Variants in NRTN observed in about 807,000 individuals in gnomAD.
NRTN encodes the protein neurturin.
NRTN carries 3 observed loss-of-function variants against 7.5 expected under a neutral mutation model. The ratio of observed to expected loss-of-function variants is 0.40; its 90% CI spans 0.18 to 1.03. The LOEUF (loss-of-function observed/expected upper bound fraction) is 1.03, where lower values mean the gene tolerates loss of function less well. Among genes scored for constraint, NRTN ranks in the 50% least tolerant of loss-of-function variants. The probability of loss-of-function intolerance (pLI) is 0.34; values close to 1 mark genes in which losing one functional copy is unlikely to be tolerated. For missense variants in NRTN, 310 were observed against 307.0 expected, an observed-to-expected ratio of 1.01 and a Z score of -0.07; for synonymous variants, 157 against 146.6, an observed-to-expected ratio of 1.07 and a Z score of -0.51.
In NRTN at chr19:5,828,073, G is replaced by T; in HGVS notation, c.494G>T (p.Cys165Phe). The T allele has an allele frequency of 6.8e-7, 1 of 1,476,932 alleles. No homozygotes were observed. Among genetic ancestry groups the T allele is most frequent in the South Asian group, 1.3e-5 (1 of 77,350 alleles). 91.5% of individuals were successfully genotyped at this position (1,476,932 alleles called of 1,614,324 possible). The change falls in exon 3 of 3, where the codon TGC (cysteine) becomes TTC (phenylalanine). Residue 165 changes from cysteine (C) to phenylalanine (F), a missense_variant. By Grantham distance (205) the Cys-to-Phe change is radical (BLOSUM62 -2). Transcript: ENST00000303212. Reference sequence around the variant, plus strand: ...GAGCGGGTGCGCGCGCAGCCCTGCTGCCGCCCGACGGCCTACGAGGACGAG... The same window carrying T: ...GAGCGGGTGCGCGCGCAGCCCTGCTTCCGCCCGACGGCCTACGAGGACGAG... ...RRERVRAQPCCRPTAYEDEVS... is the reference protein window; with the variant it reads ...RRERVRAQPCFRPTAYEDEVS...
chr19:5,817,819 A>G (rs2057010762), intron 1 of NRTN, among the ~76,000 whole-genome samples: 2 of 152,278 alleles, frequency 1.3e-5, no homozygotes, highest in African/African-American at 4.8e-5. Context: ...TTTCGTTTCC[A>G]GACGGAGTCT....
Position 5,820,738 on chromosome 19 carries a change from GAAAAAAA to G in NRTN, c.-398-3007_-398-3001del, listed in dbSNP as rs869276836. Among the ~76,000 whole-genome samples the G allele has an allele frequency of 3.1e-3, 121 of 39,078 alleles. 1 individual carries two copies. Among genetic ancestry groups the G allele is most frequent in the South Asian group, 0.015 (15 of 972 alleles). 25.6% of individuals were successfully genotyped at this position (39,078 alleles called of 152,430 possible). Reference sequence around the variant, plus strand: ...GCAACAGAGTGAAACTCTGTCTCAAGAAAAAAAAAAAAAAAAAAAAAAAAAAAAAGGA... The same window carrying G: ...GCAACAGAGTGAAACTCTGTCTCAAGAAAAAAAAAAAAAAAAAAAAAAGGA... On this transcript the variant is annotated intron_variant, in intron 1 of 2. Coordinates refer to ENST00000303212, the MANE Select transcript of NRTN (RefSeq NM_004558.5).
At chr19:5,817,925 G>A (rs1353937200) in intron 1 of NRTN, among the ~76,000 whole-genome samples, 1 of 151,804 alleles carries the variant, frequency 6.6e-6, no homozygotes, top group Admixed American at 6.6e-5. Context: ...TCAGCCTCCC[G>A]AGTAGCTGGG....
chr19:5,808,866 C>G (rs1184640401), intron 1 of NRTN, among the ~76,000 whole-genome samples: 1 of 151,692 alleles, frequency 6.6e-6, no homozygotes, highest in Non-Finnish European at 1.5e-5. Context: ...CACCATTCTC[C>G]TGCCTCAGCC....
At chr19:5,819,713 T>G (rs2057016780) in intron 1 of NRTN, among the ~76,000 whole-genome samples, 1 of 151,840 alleles carries the variant, frequency 6.6e-6, no homozygotes, top group East Asian at 1.9e-4. Context: ...CTGGGTGTGG[T>G]GGTGCATGCC....
chr19:5,818,088 C>T (rs529453348), intron 1 of NRTN, among the ~76,000 whole-genome samples: 96 of 152,230 alleles, frequency 6.3e-4, no homozygotes, highest in African/African-American at 2.2e-3. Flanking sequence ...CTCAGCTTCC[C>T]GAGTAGCTGA....
intron 1 of NRTN, among the ~76,000 whole-genome samples, chr19:5,821,131 A>G (rs2144764110): frequency 6.6e-6 from 1 of 152,204 alleles, no homozygotes; most frequent in East Asian, 1.9e-4. Context: ...ATCTAGCCCC[A>G]TTCAGGACAG....
intron 1 of NRTN, among the ~76,000 whole-genome samples, chr19:5,820,080 C>A (rs1342377559): frequency 1.3e-5 from 2 of 149,964 alleles, no homozygotes; most frequent in African/African-American, 5.0e-5. Flanking sequence ...TCCTGGCTAA[C>A]ATGGTGAAAC....
intron 1 of NRTN, among the ~76,000 whole-genome samples, chr19:5,822,180 C>T (rs1006750135): frequency 2.4e-4 from 37 of 152,046 alleles, no homozygotes; most frequent in Non-Finnish European, 4.1e-4. Context: ...CATCAGGACA[C>T]GAGGCGCGGT....
Position 5,805,408 on chromosome 19 carries a change from G to A in NRTN, c.-442G>A. Among the ~76,000 whole-genome samples the A allele has an allele frequency of 0.024, 1 of 42 alleles. No homozygotes were observed. The highest frequency in any genetic ancestry group is 0.17 in the South Asian group (1 of 6). The allele number at this position is 42 out of a possible 152,430, so 0.0% of individuals were successfully genotyped here. On this transcript the variant is annotated 5_prime_UTR_variant, in exon 1 of 3. Transcript: ENST00000303212. The stretch of plus-strand genomic sequence containing the variant: ...TCGCGGCGGCTGGGGCAGGGGCTGG[G>A]GCCGCGCGGCCGCCACTGACGGGTA...
intron 1 of NRTN, among the ~76,000 whole-genome samples, chr19:5,810,932 A>C (rs1199081801): frequency 3.3e-5 from 5 of 151,976 alleles, no homozygotes; most frequent in African/African-American, 1.2e-4. Context: ...CATCTCAAAA[A>C]AAAAAAAGAA....
intron 1 of NRTN, among the ~76,000 whole-genome samples, chr19:5,809,021 C>T (rs1015917275): frequency 3.3e-5 from 5 of 151,920 alleles, no homozygotes; most frequent in East Asian, 3.9e-4. Context: ...TCCCAAAGTG[C>T]TGGGATTACA....
Position 5,815,124 on chromosome 19 carries a change from C to T in NRTN, c.-398-8644C>T, listed in dbSNP as rs190603915. 8.7e-4 allele frequency among the ~76,000 whole-genome samples: 132 copies of T among 152,302 alleles called. 1 individual carries two copies. The highest frequency in any genetic ancestry group is 6.5e-4 in the Non-Finnish European group (44 of 68,026). On this transcript the variant is annotated intron_variant, in intron 1 of 2. Transcript: ENST00000303212. ...GCCCTGGAATCTTTGCAGCTGTGGG[C>T]GTTGGTGGCGTGTTCACCTGTGCAC...
chr19:5,814,762 C>T (rs1168704981), intron 1 of NRTN, among the ~76,000 whole-genome samples: 1 of 152,228 alleles, frequency 6.6e-6, no homozygotes, highest in Non-Finnish European at 1.5e-5. Context: ...CTTCTTTCCC[C>T]TTCCTTCCCC....
At chr19:5,812,634 C>A (rs2056993820) in intron 1 of NRTN, among the ~76,000 whole-genome samples, 1 of 152,264 alleles carries the variant, frequency 6.6e-6, no homozygotes. Flanking sequence ...TGGGCCCAGG[C>A]CCTGGGGCCC....
chr19:5,820,130 G>T (rs1321081048), intron 1 of NRTN, among the ~76,000 whole-genome samples: 1 of 148,744 alleles, frequency 6.7e-6, no homozygotes, highest in Non-Finnish European at 1.5e-5. Flanking sequence ...GCTGGGCGTG[G>T]TGGCAGACGC....
chr19:5,809,946 C>T (rs1244631352), intron 1 of NRTN, among the ~76,000 whole-genome samples: 1 of 152,076 alleles, frequency 6.6e-6, no homozygotes, highest in Non-Finnish European at 1.5e-5. Context: ...AATCCCAGCT[C>T]AGACACTTGT....
intron 1 of NRTN, among the ~76,000 whole-genome samples, chr19:5,818,511 G>T (rs765451295): frequency 2.3e-4 from 35 of 152,068 alleles, no homozygotes; most frequent in Non-Finnish European, 2.8e-4. Context: ...GAACTCCTGG[G>T]CTCTGGCAGC....
At chr19:5,805,665 C>T (rs2144753561) in intron 1 of NRTN, among the ~76,000 whole-genome samples, 1 of 152,032 alleles carries the variant, frequency 6.6e-6, no homozygotes, top group East Asian at 1.9e-4. Context: ...TCCTAAGCGG[C>T]TCTCCAAGCC....
Sources: gnomAD v4.1 joint callset for allele counts (sites outside exome capture counted in the v4.1 genomes callset) on GRCh38, gnomAD v4.1.1 for gene constraint, MANE v1.5 for transcripts, NCBI Gene and HGNC (gene_info 2026-07-23, HGNC 2026-07-21) for gene names.